NPAS2: variants seen among roughly 807,000 people sequenced by gnomAD.
NPAS2 encodes neuronal PAS domain protein 2, also known as neuronal PAS domain-containing protein 2.
A neutral mutation model predicts 107.5 loss-of-function variants in NPAS2; 23 were observed. That is an observed-to-expected ratio of 0.21 (90% confidence interval 0.15 to 0.30). The LOEUF (loss-of-function observed/expected upper bound fraction) is 0.30. Ranked by LOEUF, NPAS2 falls within the 10% of genes least tolerant of loss-of-function variation. NPAS2 has a pLI of 1.00. For synonymous variants in NPAS2, 403 were observed against 417.5 expected (o/e 0.97, Z 0.42); for missense variants, 756 against 1,043.3 (o/e 0.72, Z 3.79).
In NPAS2 at chr2:100,995,741, G is replaced by C; in HGVS notation, c.*159G>C. On this transcript the variant is annotated 3_prime_UTR_variant, in exon 21 of 21. Coordinates refer to ENST00000335681, the MANE Select transcript of NPAS2 (RefSeq NM_002518.4). ...ATGGTAACCATCTCTGGAGTGCAGC[G>C]CTTGCTGCAGTGGAAATGATCAGGA... 6.5e-7 allele frequency: 1 copy of C among 1,549,398 alleles called. No homozygotes were observed. Among genetic ancestry groups the C allele is most frequent in the Admixed American group, 2.0e-5 (1 of 51,004 alleles).
rs151090010 is a variant in NPAS2 at position 100,943,367 on chromosome 2, G to A, written c.364-4868G>A. 1.4e-3 allele frequency among the ~76,000 whole-genome samples: 218 copies of A among 152,326 alleles called. 2 individuals are homozygous for A. The highest frequency in any genetic ancestry group is 5.1e-3 in the African/African-American group (213 of 41,568). On this transcript the variant is annotated intron_variant, in intron 5 of 20. Coordinates refer to ENST00000335681, the MANE Select transcript of NPAS2 (RefSeq NM_002518.4). ...TTCCGAATTACTTGCTCAGGTATTT[G>A]GACATCCTCTTTGATTGGGTTTTTT...
intron 7 of NPAS2, among the ~76,000 whole-genome samples, chr2:100,958,990 G>A (rs577376803): frequency 4.6e-5 from 7 of 151,226 alleles, no homozygotes; most frequent in South Asian, 2.1e-4. Flanking sequence ...GGCCAGGCAC[G>A]GTGGCTGACA....
chr2:100,867,892 A>AT lies in NPAS2; in HGVS notation c.-22-36834dup, dbSNP rs533476072. Among the ~76,000 whole-genome samples the AT allele has an allele frequency of 4.4e-4, 67 of 151,722 alleles. 2 individuals carry two copies. In the East Asian group the frequency reaches 9.7e-3, roughly 22 times the overall value. On this transcript the variant is annotated intron_variant, in intron 1 of 20. Transcript: ENST00000335681. ...TTATATTATAGTTGGTATTTGTCCC[A>AT]TTTTTTTCTGCCTTTTTTTCCCCTT...
intron 1 of NPAS2, among the ~76,000 whole-genome samples, chr2:100,854,416 C>T (rs1420651556): frequency 2.0e-5 from 3 of 152,156 alleles, no homozygotes; most frequent in African/African-American, 7.2e-5. Context: ...GGCCTCAGGG[C>T]ATGGAACTAG....
intron 1 of NPAS2, among the ~76,000 whole-genome samples, chr2:100,858,892 A>G (rs549237093): frequency 8.5e-5 from 13 of 152,334 alleles, no homozygotes; most frequent in African/African-American, 2.9e-4. Flanking sequence ...TTCCTGCTCA[A>G]TAAGATATTT....
chr2:100,840,521 A>G (rs1677331296), intron 1 of NPAS2, among the ~76,000 whole-genome samples: 1 of 152,122 alleles, frequency 6.6e-6, no homozygotes, highest in Non-Finnish European at 1.5e-5. Flanking sequence ...CTGTGTTCAC[A>G]GACCCGGCTT....
At chr2:100,935,455 C>T (rs948879658) in intron 4 of NPAS2, among the ~76,000 whole-genome samples, 1 of 152,230 alleles carries the variant, frequency 6.6e-6, no homozygotes, top group African/African-American at 2.4e-5. Flanking sequence ...TTTGCAATCA[C>T]TTGCTGTTGA....
chr2:100,936,550 C>T (rs955573948), intron 4 of NPAS2, among the ~76,000 whole-genome samples: 16 of 152,192 alleles, frequency 1.1e-4, no homozygotes, highest in Admixed American at 4.6e-4. Flanking sequence ...CTGGCACACC[C>T]TAGACAGCCA....
At chr2:100,861,021 A>G (rs887149284) in intron 1 of NPAS2, among the ~76,000 whole-genome samples, 2 of 148,460 alleles carry the variant, frequency 1.3e-5, no homozygotes, top group Non-Finnish European at 3.0e-5. Context: ...GGTACACACC[A>G]CCACCCCCAG....
rs1462815910 is a variant in NPAS2 at position 100,965,289 on chromosome 2, CT to C, written c.800+347del. 6.6e-6 allele frequency among the ~76,000 whole-genome samples: 1 copy of C among 152,184 alleles called. No individual in the cohort carries two copies. The highest frequency in any genetic ancestry group is 1.5e-5 in the Non-Finnish European group (1 of 68,020). On this transcript the variant is annotated intron_variant, in intron 9 of 20. Transcript: ENST00000335681. This position sits in a 1 kb window ranked among gnomAD's most constrained non-coding sequence, Gnocchi z 4.3. ...CTTTGATCTTTTAGCCCAATCTTTACTGTTTCTTTTGTAACATTATTTGCAG... is the reference window on the plus strand; with the variant it reads ...CTTTGATCTTTTAGCCCAATCTTTACGTTTCTTTTGTAACATTATTTGCAG...
chr2:100,942,577 A>C (rs1043382757), intron 5 of NPAS2, among the ~76,000 whole-genome samples: 6 of 152,166 alleles, frequency 3.9e-5, no homozygotes, highest in Admixed American at 3.3e-4. Context: ...TGTGTATAAA[A>C]CATATGTTCA....
At chr2:100,951,217 G>A (rs1471709539) in intron 7 of NPAS2, among the ~76,000 whole-genome samples, 2 of 152,188 alleles carry the variant, frequency 1.3e-5, no homozygotes, top group Non-Finnish European at 2.9e-5. Context: ...CTTCCTCCCA[G>A]ACAACTTTAT....
At chr2:100,858,165 G>A (rs893262883) in intron 1 of NPAS2, among the ~76,000 whole-genome samples, 1 of 152,226 alleles carries the variant, frequency 6.6e-6, no homozygotes, top group East Asian at 1.9e-4. Flanking sequence ...GGACTTTGCT[G>A]TAATTTCTAG....
chr2:100,995,334 C>T (rs1573824811), intron 20 of NPAS2, 66 bp from the exon 21 acceptor site: 1 of 1,458,492 alleles, frequency 6.9e-7, no homozygotes, highest in Middle Eastern at 1.8e-4. Flanking sequence ...CCCGCACTGC[C>T]TTGTAAGACA....
intron 16 of NPAS2, chr2:100,984,229 CAG>C (rs1677644707): frequency 6.6e-6 from 1 of 152,182 alleles, no homozygotes; most frequent in Non-Finnish European, 1.5e-5. Context: ...ATAGTCGAGA[CAG>C]AGGATATTTC....
rs555200693 is a variant in NPAS2, at chr2:100,922,193, G to A, written c.33-2953G>A. Among the ~76,000 whole-genome samples the A allele has an allele frequency of 1.8e-3, 267 of 152,236 alleles. 1 individual carries two copies. The highest frequency in any genetic ancestry group is 5.8e-3 in the African/African-American group (242 of 41,536). The stretch of plus-strand genomic sequence containing the variant: ...ACCTCTTTAGGATGAAGGAACTGTT[G>A]TTTATCTTGATTTTGGTGGTAGTTA... On this transcript the variant is annotated intron_variant, in intron 2 of 20. Coordinates refer to ENST00000335681, the MANE Select transcript of NPAS2 (RefSeq NM_002518.4).
At chr2:100,887,647 T>C (rs1680787434) in intron 1 of NPAS2, among the ~76,000 whole-genome samples, 1 of 152,192 alleles carries the variant, frequency 6.6e-6, no homozygotes, top group Admixed American at 6.5e-5. Flanking sequence ...ATGTGTCAAT[T>C]TACACAGTTG....
intron 7 of NPAS2, among the ~76,000 whole-genome samples, chr2:100,959,464 C>A (rs1057192558): frequency 2.0e-5 from 3 of 152,084 alleles, no homozygotes; most frequent in African/African-American, 7.2e-5. Flanking sequence ...TCCTAGGAAC[C>A]CAGCCACCTG....
At chr2:100,850,743 A>T (rs1678115799) in intron 1 of NPAS2, among the ~76,000 whole-genome samples, 1 of 152,032 alleles carries the variant, frequency 6.6e-6, no homozygotes, top group Non-Finnish European at 1.5e-5. Context: ...ACTTGAGATC[A>T]GGCATTCGAG....
Sources: gnomAD v4.1 joint callset for allele counts (sites outside exome capture counted in the v4.1 genomes callset) on GRCh38, gnomAD v4.1.1 for gene constraint, Gnocchi (gnomAD v3.1) non-coding constraint, MANE v1.5 for transcripts, NCBI Gene and HGNC (gene_info 2026-07-23, HGNC 2026-07-21) for gene names.